Variants in REV3L observed in about 807,000 individuals in gnomAD.
REV3L encodes REV3 like, DNA directed polymerase zeta catalytic subunit.
A neutral mutation model predicts 299.4 loss-of-function variants in REV3L; 69 were observed. The ratio of observed to expected loss-of-function variants is 0.23; its 90% CI spans 0.19 to 0.28. The LOEUF (loss-of-function observed/expected upper bound fraction) is 0.28. Among genes scored for constraint, REV3L ranks in the 10% least tolerant of loss-of-function variants. REV3L has a pLI of 1.00. For synonymous variants in REV3L, 1,238 were observed against 1,271.4 expected, an observed-to-expected ratio of 0.97 and a Z score of 0.56; for missense variants, 3,128 against 3,693.8, an observed-to-expected ratio of 0.85 and a Z score of 3.97.
At chr6:111,365,028 T>C (rs17539748) in intron 15 of REV3L, among the ~76,000 whole-genome samples, 205 of 152,102 alleles carry the variant, frequency 1.3e-3, no homozygotes, top group African/African-American at 4.7e-3. Flanking sequence ...ATTTTGGCTA[T>C]CATATTCACT....
At chr6:111,377,583 C>T in intron 12 of REV3L, 118 bp downstream of exon 12, 1 of 997,182 alleles carries the variant, frequency 1.0e-6, no homozygotes, top group Middle Eastern at 3.2e-4. Context: ...GTGATCCTCT[C>T]ACCTTGGACT....
At chr6:111,472,648 G>A (rs1212604620) in intron 1 of REV3L, among the ~76,000 whole-genome samples, 3 of 151,228 alleles carry the variant, frequency 2.0e-5, no homozygotes, top group African/African-American at 7.3e-5. Flanking sequence ...TACTTTGCTA[G>A]GCTTGTATTC....
At chr6:111,356,451 C>T (rs1778094928) in intron 18 of REV3L, among the ~76,000 whole-genome samples, 1 of 151,904 alleles carries the variant, frequency 6.6e-6, no homozygotes, top group African/African-American at 2.4e-5. Flanking sequence ...GACCGACTAC[C>T]AAATGGTCAA....
chr6:111,391,334 G>A (rs1781909221), intron 5 of REV3L, among the ~76,000 whole-genome samples: 1 of 152,036 alleles, frequency 6.6e-6, no homozygotes, highest in African/African-American at 2.4e-5. Flanking sequence ...CCAAAGTGCT[G>A]GAATTACAGG....
chr6:111,422,966 C>T (rs957104091), intron 1 of REV3L, among the ~76,000 whole-genome samples: 4 of 151,756 alleles, frequency 2.6e-5, no homozygotes, highest in Admixed American at 6.6e-5. Flanking sequence ...GAAACTATAT[C>T]GCTGAAATAC....
At chr6:111,332,356 C>A (rs564978841) in intron 23 of REV3L, among the ~76,000 whole-genome samples, 36 of 152,148 alleles carry the variant, frequency 2.4e-4, no homozygotes, top group Non-Finnish European at 4.4e-4. Flanking sequence ...CAGGTGTGAG[C>A]CACCACGTCC....
At chr6:111,467,205 C>T (rs983007447) in intron 1 of REV3L, among the ~76,000 whole-genome samples, 2 of 152,176 alleles carry the variant, frequency 1.3e-5, no homozygotes, top group African/African-American at 4.8e-5. Flanking sequence ...TGTCCAGCCT[C>T]GCAGTTTTCT....
chr6:111,330,476 TGCA>T (rs1775267897), intron 24 of REV3L, among the ~76,000 whole-genome samples: 2 of 152,330 alleles, frequency 1.3e-5, no homozygotes, highest in South Asian at 4.1e-4. Flanking sequence ...TGCAAGGTAA[TGCA>T]TGTCAGACCT....
intron 25 of REV3L, among the ~76,000 whole-genome samples, chr6:111,328,113 C>T (rs240974): frequency 0.43 from 65,184 of 152,022 alleles, 16,449 homozygotes; most frequent in South Asian, 0.59. Flanking sequence ...ATCAAATAAA[C>T]ACCTTAACTT....
In REV3L at chr6:111,372,969, A is replaced by C. The variant is rs1779953136; in HGVS notation, c.5386T>G (p.Ser1796Ala). 4.3e-6 allele frequency: 7 copies of C among 1,614,106 alleles called. No individual in the cohort carries two copies. The highest frequency in any genetic ancestry group is 5.9e-6 in the Non-Finnish European group (7 of 1,180,002). Residue 1796 changes from serine (S) to alanine (A), a missense_variant, in exon 13 of 32, where the codon TCA becomes GCA. Physicochemically the swap from Ser to Ala is moderately conservative, Grantham distance 99. This residue lies in a region of REV3L where 2,409 missense variants were observed against 2,611.8 expected (regional missense o/e 0.92). Coordinates refer to ENST00000368802, the MANE Select transcript of REV3L (RefSeq NM_001372078.1). ...CTGGTGTGACCTTGAATCCAGTCTG[A>C]ATTGTTTGGCTGTGGGAGGCTAAGA... ...VFLSLPQPNN[S>A]DWIQGHTRKE...
chr6:111,471,250 T>C (rs1792167524), intron 1 of REV3L, among the ~76,000 whole-genome samples: 1 of 144,558 alleles, frequency 6.9e-6, no homozygotes, highest in Non-Finnish European at 1.5e-5. Context: ...TTCTATCACC[T>C]TTTTTTTTTT....
chr6:111,422,337 G>GA (rs1407638460), intron 1 of REV3L, among the ~76,000 whole-genome samples: 17 of 151,924 alleles, frequency 1.1e-4, no homozygotes, highest in Admixed American at 5.2e-4. Context: ...ACAGAGTTGA[G>GA]CAGTTGCAAT....
At chr6:111,333,990 G>C (rs1372623040) in intron 22 of REV3L, among the ~76,000 whole-genome samples, 1 of 151,978 alleles carries the variant, frequency 6.6e-6, no homozygotes, top group Non-Finnish European at 1.5e-5. Flanking sequence ...CCAGGCTAGA[G>C]TGCAATGGCA....
intron 1 of REV3L, among the ~76,000 whole-genome samples, chr6:111,435,344 G>A (rs765673405): frequency 4.6e-5 from 7 of 152,126 alleles, no homozygotes; most frequent in Non-Finnish European, 8.8e-5. Flanking sequence ...AAAAGACCCT[G>A]AATAGCCAAA....
intron 1 of REV3L, among the ~76,000 whole-genome samples, chr6:111,452,122 A>G (rs933308731): frequency 2.0e-5 from 3 of 152,170 alleles, no homozygotes; most frequent in African/African-American, 7.2e-5. Flanking sequence ...AGATTCTTAG[A>G]CCTTAGGGAA....
At chr6:111,377,198 G>A (rs1004190174) in intron 12 of REV3L, among the ~76,000 whole-genome samples, 1 of 152,118 alleles carries the variant, frequency 6.6e-6, no homozygotes, top group African/African-American at 2.4e-5. Flanking sequence ...AGCAAATCAT[G>A]TATCTAATTC....
At chr6:111,301,568 C>G (rs1582403630) in intron 31 of REV3L, among the ~76,000 whole-genome samples, 1 of 151,576 alleles carries the variant, frequency 6.6e-6, no homozygotes, top group Non-Finnish European at 1.5e-5. Flanking sequence ...TGGTTCTTAA[C>G]CCTGGCTAAC....
rs1414564926 is a variant in REV3L, at chr6:111,367,272, G to C, written c.6516C>G (p.Pro2172=). ...CTAGAGGCTCTTGAGGCTCACTGCA[G>C]GGGCTTTTTTGTATACCATCTTTTA... ...KPIKDGIQKS[P]CSEPQEPLVI... Residue 2172 remains proline, a synonymous_variant, in exon 14 of 32, where the codon CCC becomes CCG. Transcript: ENST00000368802. The C allele has an allele frequency of 8.1e-6, 13 of 1,613,144 alleles. No homozygotes were observed. The highest frequency in any genetic ancestry group is 6.7e-5 in the African/African-American group (5 of 74,816).
At chr6:111,361,431 C>CAAAAAAAAAAAAAAAAAAAAA (rs1251828373) in intron 16 of REV3L, 1 of 106,980 alleles carries the variant, frequency 9.3e-6, no homozygotes, top group African/African-American at 3.4e-5. Context: ...AAAAAAAAAA[C>CAAAAAAAAAAAAAAAAAAAAA]AAAAAAAAAA....
Sources: allele counts gnomAD v4.1 joint callset (sites outside exome capture counted in the v4.1 genomes callset), GRCh38; gene constraint gnomAD v4.1.1; regional missense constraint gnomAD v4.1.1; transcripts MANE v1.5; gene names NCBI Gene and HGNC (gene_info 2026-07-23, HGNC 2026-07-21).